Variants in COPA observed in about 807,000 individuals in gnomAD.
The protein encoded by COPA is coat protein complex I subunit alpha.
COPA carries 10 observed loss-of-function variants against 158.7 expected under a neutral mutation model. The ratio of observed to expected loss-of-function variants is 0.06; its 90% CI spans 0.04 to 0.11. COPA has a LOEUF of 0.11. COPA is among the 10% of genes least tolerant of loss of function. COPA has a pLI of 1.00. For synonymous variants in COPA, 462 were observed against 542.8 expected (o/e 0.85, Z 2.07); for missense variants, 1,065 against 1,536.7 (o/e 0.69, Z 5.13).
rs1359747966 is a variant in COPA at position 160,294,805 on chromosome 1, C to T, written c.2529G>A (p.Glu843=). Residue 843 remains glutamate (E), a synonymous_variant, in exon 24 of 33, where the codon GAG becomes GAA. Transcript: ENST00000241704. The part of the protein sequence containing the change: ...ADIDIDTVGT[E]GWGEDAELQL... ...GCAGCTCTGCATCCTCTCCCCAGCC[C>T]TCTGTACCAACAGTGTCAATGTCAA... The T allele has an allele frequency of 6.2e-7, 1 of 1,614,160 alleles. No homozygotes were observed. Among genetic ancestry groups the T allele is most frequent in the Non-Finnish European group, 8.5e-7 (1 of 1,180,026 alleles).
At chr1:160,325,708 GCACAGTAT>G in intron 6 of COPA, 56 bp from the exon 7 acceptor site, 1 of 1,238,384 alleles carries the variant, frequency 8.1e-7, no homozygotes, top group East Asian at 2.3e-5. Context: ...ATCTAAAACA[GCACAGTAT>G]CAGAAACACA....
intron 17 of COPA, among the ~76,000 whole-genome samples, chr1:160,300,385 AAATAAAT>A (rs1557862889): frequency 1.0e-3 from 155 of 150,276 alleles, no homozygotes; most frequent in African/African-American, 3.6e-3. Context: ...ATAAATAAAT[AAATAAAT>A]AGAAGGATCA....
chr1:160,309,248 A>T, intron 12 of COPA, 72 bp from the exon 13 acceptor site: 4 of 1,098,838 alleles, frequency 3.6e-6, no homozygotes, highest in Non-Finnish European at 5.6e-6. Context: ...ATTTACTCTG[A>T]CAGAGAAAAC....
At chr1:160,295,706 A>G (rs372001723) in intron 23 of COPA, 30 bp downstream of exon 23, 4 of 1,570,782 alleles carry the variant, frequency 2.5e-6, no homozygotes, top group South Asian at 2.4e-5. Flanking sequence ...AACAAACAAC[A>G]AAAGTGCTAT....
intron 17 of COPA, among the ~76,000 whole-genome samples, chr1:160,302,550 T>C (rs1009698918): frequency 6.5e-5 from 2 of 30,632 alleles, no homozygotes; most frequent in Non-Finnish European, 1.3e-4. Flanking sequence ...CACAAGTTAC[T>C]TTTTTTTTTT....
At chr1:160,323,893 G>A (rs937469843) in intron 7 of COPA, among the ~76,000 whole-genome samples, 4 of 152,034 alleles carry the variant, frequency 2.6e-5, no homozygotes, top group South Asian at 2.1e-4. Flanking sequence ...ACGGAGTCTC[G>A]CTCTGTCACC....
chr1:160,318,468 TAAAAAAAAAAAAAAAAAAAAAAACAAAAA>T lies in COPA; in HGVS notation c.707-4372_707-4344del, dbSNP rs746048726. Among the ~76,000 whole-genome samples the T allele has an allele frequency of 6.5e-3, 102 of 15,674 alleles. 3 individuals carry two copies. Among genetic ancestry groups the T allele is most frequent in the African/African-American group, 0.019 (98 of 5,166 alleles). The allele number at this position is 15,674 out of a possible 152,430, so 10.3% of individuals were successfully genotyped here. ...GCTTCATTAAAATAAACAATATTTG[TAAAAAAAAAAAAAAAAAAAAAAACAAAAA>T]AAAAAAAAAAACACTAATGTGCAAA... On this transcript the variant is annotated intron_variant, in intron 8 of 32. Coordinates refer to ENST00000241704, the MANE Select transcript of COPA (RefSeq NM_004371.4).
At chr1:160,333,570 G>A (rs1368977676) in intron 5 of COPA, 33 bp downstream of exon 5, 1 of 1,491,544 alleles carries the variant, frequency 6.7e-7, no homozygotes, top group South Asian at 1.2e-5. Flanking sequence ...GAAAAATGAA[G>A]ACTCTTTTCG....
chr1:160,342,828 A>G (rs1188651195), intron 1 of COPA, among the ~76,000 whole-genome samples: 1 of 152,202 alleles, frequency 6.6e-6, no homozygotes, highest in Non-Finnish European at 1.5e-5. Context: ...CCTTTGGAGC[A>G]GAACAACACA....
intron 17 of COPA, among the ~76,000 whole-genome samples, chr1:160,299,840 C>G (rs181476879): frequency 2.8e-4 from 42 of 151,726 alleles, no homozygotes; most frequent in Non-Finnish European, 4.7e-4. Context: ...TCTTTTTAAG[C>G]CAAAGAAAGT....
At position 160,305,571 on chromosome 1, in the gene COPA, G is replaced by A. The variant is rs770129453; in HGVS notation, c.1529C>T (p.Ala510Val). 6.2e-7 allele frequency: 1 copy of A among 1,614,160 alleles called. No individual in the cohort carries two copies. The highest frequency in any genetic ancestry group is 8.5e-7 in the Non-Finnish European group (1 of 1,180,030). ...CAGTTTGCGGTTACAGATCACAATG[G>A]CTGTAAGAGGCAAAGGGCATGAGTG... The part of the protein sequence containing the change: ...MSHVALLAKH[A>V]IVICNRKLDA... The change falls in exon 17 of 33, where the codon GCC becomes GTC. Residue 510 changes from alanine (A) to valine (V), a missense_variant and splice_region_variant. Around this residue, in one of 2 missense-constraint regions of COPA, gnomAD observed 980 missense variants for 1,357.8 expected, o/e 0.72. Transcript: ENST00000241704.
chr1:160,294,070 A>G (rs1003527322), intron 25 of COPA, among the ~76,000 whole-genome samples: 6 of 152,350 alleles, frequency 3.9e-5, no homozygotes, highest in African/African-American at 1.2e-4. Context: ...CAGATTAGAG[A>G]TAAGTCCTAC....
At position 160,299,176 on chromosome 1, in the gene COPA, G is replaced by A. The variant is rs757143045; in HGVS notation, c.1756C>T (p.Arg586Cys). The change falls in exon 18 of 33, where the codon CGT becomes TGT. Residue 586 changes from arginine to cysteine, a missense_variant. Physicochemically the swap from Arg to Cys is radical, Grantham distance 180. Around this residue, in one of 2 missense-constraint regions of COPA, gnomAD observed 980 missense variants for 1,357.8 expected, o/e 0.72. Coordinates refer to ENST00000241704, the MANE Select transcript of COPA (RefSeq NM_004371.4). ...NNVYCLDREC[R>C]PRVLTIDPTE... is the part of the protein sequence containing the mutation. ...GGATCAATGGTGAGTACCCGGGGAC[G>A]ACACTCCCTGTCTAGGCAGTATACA... 33 of 1,614,044 alleles carry A rather than the reference G, an allele frequency of 2.0e-5. No homozygotes were observed. Among genetic ancestry groups the A allele is most frequent in the African/African-American group, 4.0e-5 (3 of 74,908 alleles).
intron 31 of COPA, 64 bp from the exon 32 acceptor site, chr1:160,290,750 A>C: frequency 6.7e-7 from 1 of 1,495,404 alleles, no homozygotes; most frequent in Non-Finnish European, 9.3e-7. Context: ...AAGGATCCCA[A>C]CACCATGGTT....
intron 3 of COPA, among the ~76,000 whole-genome samples, chr1:160,339,045 C>T (rs539228846): frequency 7.5e-6 from 1 of 133,378 alleles, no homozygotes; most frequent in Non-Finnish European, 1.5e-5. Context: ...TCCTGATTTT[C>T]CTTTCCTAGT....
intron 3 of COPA, among the ~76,000 whole-genome samples, chr1:160,337,370 TC>T (rs1282587042): frequency 6.6e-6 from 1 of 152,146 alleles, no homozygotes; most frequent in Non-Finnish European, 1.5e-5. Flanking sequence ...TTCTAGATAA[TC>T]CCCCTTTTTA....
chr1:160,294,965 G>T, intron 23 of COPA, 108 bp from the exon 24 acceptor site: 2 of 792,898 alleles, frequency 2.5e-6, no homozygotes, highest in Non-Finnish European at 4.2e-6. Context: ...CCAAGCTTCT[G>T]CCTACTTACT....
Position 160,342,993 on chromosome 1 carries a change from T to G in COPA, c.40+138A>C. ...GGAGAACCGCTAGCCAGGCCCAACC[T>G]CTCTCCCACCCTCCGTCTTCCTCCG... On this transcript the variant is annotated intron_variant, in intron 1 of 32. Transcript: ENST00000241704. 4 of 1,058,370 alleles carry G rather than the reference T, an allele frequency of 3.8e-6. No individual in the cohort carries two copies. The South Asian group carries it at 5.3e-5, about 14-fold the overall frequency. The allele number at this position is 1,058,370 out of a possible 1,614,324, so 65.6% of individuals were successfully genotyped here.
intron 8 of COPA, among the ~76,000 whole-genome samples, chr1:160,315,337 G>C (rs1027986972): frequency 3.9e-5 from 6 of 152,206 alleles, no homozygotes; most frequent in Admixed American, 6.5e-5. Flanking sequence ...GAGAGAAAGC[G>C]GGGAGGCAAG....
Sources: allele counts gnomAD v4.1 joint callset (sites outside exome capture counted in the v4.1 genomes callset), GRCh38; gene constraint gnomAD v4.1.1; regional missense constraint gnomAD v4.1.1; transcripts MANE v1.5; gene names NCBI Gene and HGNC (gene_info 2026-07-23, HGNC 2026-07-21).